Variants in SHISAL1 observed in about 807,000 individuals in gnomAD.
The protein encoded by SHISAL1 is shisa like 1.
A neutral mutation model predicts 22.6 loss-of-function variants in SHISAL1; 9 were observed. The ratio of observed to expected loss-of-function variants is 0.40; its 90% CI spans 0.24 to 0.70. The LOEUF is 0.70. SHISAL1 is among the 30% of genes least tolerant of loss of function. The pLI is 0.39. For missense variants in SHISAL1, 246 were observed against 270.6 expected (o/e 0.91, Z 0.64); for synonymous variants, 119 against 115.4 (o/e 1.03, Z -0.20).
At chr22:44,307,245 C>T (rs9614230) in intron 1 of SHISAL1, among the ~76,000 whole-genome samples, 103,425 of 152,006 alleles carry the variant, frequency 0.68, 35,514 homozygotes, top group East Asian at 0.93. Context: ...GGCTCACACT[C>T]GCAGAGTTCT....
At chr22:44,331,043 T>C in the SHISAL1 span, among the ~76,000 whole-genome samples, 1 of 151,978 alleles carries the variant, frequency 6.6e-6, no homozygotes, top group Non-Finnish European at 1.5e-5. This position sits in a 1 kb window ranked among gnomAD's most constrained non-coding sequence, Gnocchi z 5.2. Flanking sequence ...CCCGACTCTG[T>C]TCTTGGAAGC....
rs1386024602 is a variant in SHISAL1, at chr22:44,247,203, CGAG to C, written c.*2479_*2481del. On this transcript the variant is annotated 3_prime_UTR_variant, in exon 5 of 5. Transcript: ENST00000381176. ...GAGCATTGTCCAGGACAGCAGGACA[CGAG>C]GGTTGCAAACTCCTTAAATACCCAT... The C allele has an allele frequency of 6.6e-6, 1 of 152,164 alleles. No homozygotes were observed. The highest frequency in any genetic ancestry group is 1.5e-5 in the Non-Finnish European group (1 of 68,082). The allele number at this position is 152,164 out of a possible 1,614,324, so 9.4% of individuals were successfully genotyped here.
chr22:44,301,723 A>G (rs1243305536), intron 1 of SHISAL1, among the ~76,000 whole-genome samples: 1 of 152,104 alleles, frequency 6.6e-6, no homozygotes, highest in African/African-American at 2.4e-5. Context: ...TACTCTCCCA[A>G]AACAGGAGGG....
intron 4 of SHISAL1, among the ~76,000 whole-genome samples, chr22:44,283,569 C>A (rs2055291058): frequency 6.6e-6 from 1 of 152,212 alleles, no homozygotes. Flanking sequence ...AAATGGAAGA[C>A]CTTGAGGCCG....
At chr22:44,314,836 C>T (rs2055547483), upstream of SHISAL1, among the ~76,000 whole-genome samples, 1 of 152,184 alleles carries the variant, frequency 6.6e-6, no homozygotes, top group Non-Finnish European at 1.5e-5. Context: ...AACACCGGAA[C>T]ACTCTTCAGC....
chr22:44,298,831 C>T (rs2055406024), intron 2 of SHISAL1, among the ~76,000 whole-genome samples: 1 of 152,228 alleles, frequency 6.6e-6, no homozygotes, highest in Non-Finnish European at 1.5e-5. Context: ...TTACCAGCAC[C>T]CAGCTCACCC....
chr22:44,329,503 C>T, the SHISAL1 span, among the ~76,000 whole-genome samples: 4 of 152,176 alleles, frequency 2.6e-5, no homozygotes, highest in African/African-American at 9.7e-5. Context: ...CACCCCTCTT[C>T]ATCAGTCCAT....
intron 4 of SHISAL1, among the ~76,000 whole-genome samples, chr22:44,273,650 T>C (rs1453668479): frequency 1.3e-5 from 2 of 152,246 alleles, no homozygotes; most frequent in Admixed American, 1.3e-4. Context: ...ACTCTTAAAC[T>C]AGCTATGGTA....
At chr22:44,263,072 TTTC>T (rs2055136367) in intron 4 of SHISAL1, among the ~76,000 whole-genome samples, 1 of 74,068 alleles carries the variant, frequency 1.4e-5, no homozygotes, top group Non-Finnish European at 3.2e-5. Context: ...TATTTTTTTC[TTTC>T]TTTCTTTTTT....
intron 3 of SHISAL1, among the ~76,000 whole-genome samples, chr22:44,295,004 T>A (rs1364955214): frequency 1.3e-5 from 2 of 152,242 alleles, no homozygotes; most frequent in African/African-American, 4.8e-5. Context: ...ATCCTTGGGT[T>A]AACCTATGAA....
At chr22:44,329,214 C>T in the SHISAL1 span, among the ~76,000 whole-genome samples, 1 of 152,126 alleles carries the variant, frequency 6.6e-6, no homozygotes, top group Non-Finnish European at 1.5e-5. Flanking sequence ...CATGGGGGCT[C>T]GGGGAGTTGG....
chr22:44,323,367 C>T, the SHISAL1 span, among the ~76,000 whole-genome samples: 1 of 131,820 alleles, frequency 7.6e-6, no homozygotes, highest in Admixed American at 7.5e-5. Flanking sequence ...TGCATCCATC[C>T]ACCATCCATC....
rs549340779 is a variant in SHISAL1, at chr22:44,245,849, A to G, written c.*3836T>C. 2.0e-5 allele frequency: 3 copies of G among 152,368 alleles called. No homozygotes were observed. The highest frequency in any genetic ancestry group is 7.2e-5 in the African/African-American group (3 of 41,580). 9.4% of individuals were successfully genotyped at this position (152,368 alleles called of 1,614,324 possible). On this transcript the variant is annotated 3_prime_UTR_variant, in exon 5 of 5. Transcript: ENST00000381176. Reference sequence around the variant, plus strand: ...TCCTCCTCTTCAGCTCTGGGCCAAAATTTGACTGAATCTTTCTGATGATGA... The same window carrying G: ...TCCTCCTCTTCAGCTCTGGGCCAAAGTTTGACTGAATCTTTCTGATGATGA...
the SHISAL1 span, among the ~76,000 whole-genome samples, chr22:44,322,934 T>A: frequency 1.3e-5 from 2 of 151,686 alleles, no homozygotes; most frequent in African/African-American, 4.8e-5. Flanking sequence ...CCCATCCATC[T>A]GTCCGTCCAC....
intron 4 of SHISAL1, among the ~76,000 whole-genome samples, chr22:44,274,637 G>C (rs769287910): frequency 6.6e-6 from 1 of 152,166 alleles, no homozygotes; most frequent in Non-Finnish European, 1.5e-5. Context: ...CCGCTGAAAT[G>C]GTATTTAGAA....
Position 44,264,869 on chromosome 22 carries a change from C to T in SHISAL1, c.*-15184G>A, listed in dbSNP as rs117624201. Among the ~76,000 whole-genome samples the T allele has an allele frequency of 9.9e-3, 1,472 of 148,512 alleles. 20 individuals carry two copies. Among genetic ancestry groups the T allele is most frequent in the African/African-American group, 0.03 (1,224 of 40,332 alleles). ...AGAGGCCCCAGCAATTCACAAGCCA[C>T]GTGATCTTGGGCGAGGTCCCCAACA... On this transcript the variant is annotated intron_variant, in intron 4 of 4. Transcript: ENST00000381176.
At chr22:44,254,378 A>G (rs76233073) in intron 4 of SHISAL1, among the ~76,000 whole-genome samples, 1 of 151,974 alleles carries the variant, frequency 6.6e-6, no homozygotes, top group Non-Finnish European at 1.5e-5. Context: ...ATTTTTTTTT[A>G]GAGACAGGCT....
intron 3 of SHISAL1, among the ~76,000 whole-genome samples, chr22:44,293,031 GGC>G (rs149291546): frequency 0.15 from 21,947 of 148,346 alleles, 1,667 homozygotes; most frequent in East Asian, 0.27. Context: ...GGCTAGACAG[GGC>G]CCCGGACCCC....
At chr22:44,267,562 G>A (rs2147277946) in intron 4 of SHISAL1, among the ~76,000 whole-genome samples, 1 of 152,252 alleles carries the variant, frequency 6.6e-6, no homozygotes, top group African/African-American at 2.4e-5. Flanking sequence ...CCTTCCCAAA[G>A]GCAAATGCGT....
Sources: gnomAD v4.1 joint callset for allele counts (sites outside exome capture counted in the v4.1 genomes callset) on GRCh38, gnomAD v4.1.1 for gene constraint, Gnocchi (gnomAD v3.1) non-coding constraint, MANE v1.5 for transcripts, NCBI Gene and HGNC (gene_info 2026-07-23, HGNC 2026-07-21) for gene names.